Variants in SHPK observed in about 807,000 individuals in gnomAD.
SHPK encodes sedoheptulokinase.
Under a neutral mutation model 46.3 loss-of-function variants are expected in SHPK, and 51 were observed. The observed-to-expected ratio is 1.10, with a 90% CI of 0.88 to 1.39. SHPK has a LOEUF of 1.39. SHPK is among the 40% of genes most tolerant of loss of function. SHPK has a pLI of 0.00. For missense variants in SHPK, 668 were observed against 641.3 expected, an observed-to-expected ratio of 1.04 and a Z score of -0.45; for synonymous variants, 290 against 273.9, an observed-to-expected ratio of 1.06 and a Z score of -0.58.
chr17:3,615,376 T>C lies in SHPK; in HGVS notation c.985A>G (p.Thr329Ala), dbSNP rs1246930768. 2 of 1,614,210 alleles carry C rather than the reference T, an allele frequency of 1.2e-6. No individual in the cohort carries two copies. Among genetic ancestry groups the C allele is most frequent in the East Asian group, 2.2e-5 (1 of 44,890 alleles). Residue 329 changes from threonine (T) to alanine (A), a missense_variant, in exon 6 of 7, where the codon ACG becomes GCG. Coordinates refer to ENST00000225519, the MANE Select transcript of SHPK (RefSeq NM_013276.4). ...ASLNGGNVLATFVHMLVQWMA... is the reference protein window; with the variant it reads ...ASLNGGNVLAAFVHMLVQWMA... ...CACTGAACCAGCATGTGGACGAACG[T>C]GGCCAGCACATTGCCCCCGTTGAGT...
At chr17:3,631,266 G>A (rs161359) in intron 1 of SHPK, among the ~76,000 whole-genome samples, 52,679 of 150,486 alleles carry the variant, frequency 0.35, 10,685 homozygotes, top group East Asian at 0.68. Flanking sequence ...GGAAGTGGAA[G>A]ACAAGAGGCA....
intron 1 of SHPK, among the ~76,000 whole-genome samples, chr17:3,632,571 G>T (rs2075479255): frequency 6.6e-6 from 1 of 152,006 alleles, no homozygotes; most frequent in Non-Finnish European, 1.5e-5. Flanking sequence ...GTGTTCAGCA[G>T]TTAGAAACAG....
chr17:3,622,356 CAT>C (rs2150871068), intron 4 of SHPK, among the ~76,000 whole-genome samples: 1 of 152,304 alleles, frequency 6.6e-6, no homozygotes, highest in Admixed American at 6.5e-5. Flanking sequence ...TCCAGCCTCC[CAT>C]GTTTGAAGGG....
At position 3,620,561 on chromosome 17, in the gene SHPK, C is replaced by T. The variant is rs544603257; in HGVS notation, c.823+676G>A. 6.6e-5 allele frequency among the ~76,000 whole-genome samples: 10 copies of T among 150,920 alleles called. No homozygotes were observed. The East Asian group carries it at 1.6e-3, about 24-fold the overall frequency. ...GATTACAGGCATGAGCCACTGCGCCCGGCCGTTTTGTTTTGTTTTGAGATG... is the reference window on the plus strand; with the variant it reads ...GATTACAGGCATGAGCCACTGCGCCTGGCCGTTTTGTTTTGTTTTGAGATG... On this transcript the variant is annotated intron_variant, in intron 5 of 6. Transcript: ENST00000225519.
chr17:3,624,339 C>G, intron 2 of SHPK, 108 bp from the exon 3 acceptor site: 1 of 1,042,060 alleles, frequency 9.6e-7, no homozygotes, highest in Non-Finnish European at 1.4e-6. Context: ...CGAATCGTCC[C>G]ATGATAAAGC....
intron 2 of SHPK, among the ~76,000 whole-genome samples, chr17:3,624,823 T>C (rs2075423817): frequency 6.6e-6 from 1 of 151,984 alleles, no homozygotes; most frequent in Non-Finnish European, 1.5e-5. Context: ...CCAGCTAATT[T>C]TTTGGACTTT....
At chr17:3,623,949 G>T in intron 3 of SHPK, 99 bp downstream of exon 3, 1 of 1,216,584 alleles carries the variant, frequency 8.2e-7, no homozygotes, top group Non-Finnish European at 1.2e-6. Context: ...CACACTCACT[G>T]CGGCACAGCC....
At chr17:3,630,018 T>C (rs2150874736) in intron 2 of SHPK, among the ~76,000 whole-genome samples, 187 bp downstream of exon 2, 1 of 152,188 alleles carries the variant, frequency 6.6e-6, no homozygotes, top group East Asian at 1.9e-4. Flanking sequence ...GCAGTTCCTT[T>C]GTTCACCTAA....
rs556112785 is a variant in SHPK, at chr17:3,624,099, C to T, written c.443G>A (p.Ser148Asn). ...TGCACAGCCGAAGCCCGTGGCCACA[C>T]TGAGATGAGACTTCGGCTGGGGCAG... ...ASLPQPKSHL[S>N]VATGFGCATI... The change falls in exon 3 of 7, where the codon AGT becomes AAT. Residue 148 changes from serine (S) to asparagine (N), a missense_variant. Transcript: ENST00000225519. The T allele has an allele frequency of 1.9e-6, 3 of 1,613,952 alleles. No homozygotes were observed. The highest frequency in any genetic ancestry group is 1.7e-6 in the Non-Finnish European group (2 of 1,179,922).
intron 1 of SHPK, among the ~76,000 whole-genome samples, chr17:3,631,539 T>TA (rs1555555400): frequency 0.046 from 5,891 of 127,540 alleles, 645 homozygotes; most frequent in Non-Finnish European, 0.069. Context: ...TTTTTTTTTT[T>TA]AGCGATAGAG....
chr17:3,615,262 C>T, intron 6 of SHPK, 75 bp downstream of exon 6: 1 of 1,438,850 alleles, frequency 6.9e-7, no homozygotes, highest in Non-Finnish European at 9.8e-7. Flanking sequence ...GCACATGAAG[C>T]TCCGTGAAGC....
chr17:3,613,158 A>C (rs1179340623), intron 6 of SHPK, among the ~76,000 whole-genome samples: 1 of 152,222 alleles, frequency 6.6e-6, no homozygotes, highest in East Asian at 1.9e-4. Context: ...CCAGTAGACC[A>C]GGCTTTCTGA....
intron 1 of SHPK, among the ~76,000 whole-genome samples, chr17:3,635,499 C>T (rs1004196446): frequency 2.6e-5 from 4 of 152,118 alleles, no homozygotes; most frequent in African/African-American, 7.2e-5. Context: ...CCTCCCAAAG[C>T]GCTGGGATTA....
chr17:3,629,905 A>G (rs2075460041), intron 2 of SHPK, among the ~76,000 whole-genome samples: 2 of 151,970 alleles, frequency 1.3e-5, no homozygotes, highest in African/African-American at 4.8e-5. Flanking sequence ...GGTAAAGAGA[A>G]AGCTATGGAA....
intron 1 of SHPK, among the ~76,000 whole-genome samples, chr17:3,634,925 A>G (rs1029815870): frequency 1.4e-4 from 22 of 152,042 alleles, no homozygotes; most frequent in Non-Finnish European, 2.5e-4. Context: ...TAATCCTAGC[A>G]CTTTGGGAGG....
At chr17:3,626,039 T>TGA (rs35245212) in intron 2 of SHPK, among the ~76,000 whole-genome samples, 12,310 of 151,906 alleles carry the variant, frequency 0.081, 631 homozygotes, top group Middle Eastern at 0.14. Context: ...GGCAACAGAG[T>TGA]GAGGCTCCAT....
In SHPK at chr17:3,608,489, G is replaced by A. The variant is rs1195066434; in HGVS notation, c.*2071C>T. 1 of 152,176 alleles carries A rather than the reference G, an allele frequency of 6.6e-6. No homozygotes were observed. The highest frequency in any genetic ancestry group is 1.5e-5 in the Non-Finnish European group (1 of 68,066). 9.4% of individuals were successfully genotyped at this position (152,176 alleles called of 1,614,324 possible). On this transcript the variant is annotated 3_prime_UTR_variant, in exon 7 of 7. Transcript: ENST00000225519. ...GACGACTAAGTGACTGACCGGCGGG[G>A]AGCATCTACGGCCTGGACGTGGGGA...
chr17:3,611,516 C>T (rs1416774601), intron 6 of SHPK, among the ~76,000 whole-genome samples: 8 of 152,128 alleles, frequency 5.3e-5, no homozygotes, highest in East Asian at 1.9e-4. Context: ...TTGCAGTGAG[C>T]GGAGCTTGCA....
intron 4 of SHPK, among the ~76,000 whole-genome samples, chr17:3,623,066 G>A (rs998835697): frequency 6.6e-6 from 1 of 152,224 alleles, no homozygotes; most frequent in Non-Finnish European, 1.5e-5. Flanking sequence ...TGGGCTCATG[G>A]TCACAGAGAA....
Sources: allele counts gnomAD v4.1 joint callset (sites outside exome capture counted in the v4.1 genomes callset), GRCh38; gene constraint gnomAD v4.1.1; transcripts MANE v1.5; gene names NCBI Gene and HGNC (gene_info 2026-07-23, HGNC 2026-07-21).